The following PFKP variants were observed in gnomAD, a reference collection of about 807,000 sequenced individuals.
PFKP encodes phosphofructokinase, platelet, also known as ATP-dependent 6-phosphofructokinase, platelet type.
Under a neutral mutation model 94.3 loss-of-function variants are expected in PFKP, and 101 were observed. The observed-to-expected ratio is 1.07, with a 90% CI of 0.91 to 1.26. The LOEUF is 1.26. Ranked by LOEUF, PFKP falls within the 50% of genes most tolerant of loss-of-function variation. The pLI, the probability that PFKP is intolerant of heterozygous loss-of-function variation, is 0.00. For missense variants in PFKP, 1,145 were observed against 1,103.3 expected (o/e 1.04, Z -0.53); for synonymous variants, 573 against 432.6 (o/e 1.32, Z -4.03).
At chr10:3,103,011 C>T (rs1461930244) in intron 4 of PFKP, among the ~76,000 whole-genome samples, 2 of 152,212 alleles carry the variant, frequency 1.3e-5, no homozygotes, top group East Asian at 3.9e-4. Context: ...TGCAGAACTG[C>T]CCAGCCCAGG....
intron 18 of PFKP, 148 bp from the exon 19 acceptor site, chr10:3,133,055 A>C: frequency 3.0e-6 from 2 of 663,990 alleles, no homozygotes; most frequent in Non-Finnish European, 5.5e-6. Flanking sequence ...CAGAAAGCAA[A>C]ACCGTGAACT....
At chr10:3,135,019 G>A (rs1839068335) in intron 20 of PFKP, among the ~76,000 whole-genome samples, 1 of 151,816 alleles carries the variant, frequency 6.6e-6, no homozygotes, top group Admixed American at 6.5e-5. Context: ...CATGTTCGTA[G>A]AACTGTGCAT....
intron 10 of PFKP, among the ~76,000 whole-genome samples, chr10:3,111,895 C>T (rs937549740): frequency 6.6e-6 from 1 of 152,194 alleles, no homozygotes; most frequent in Non-Finnish European, 1.5e-5. Flanking sequence ...GATTTCATTT[C>T]CTCTGGCTTT....
At chr10:3,106,542 C>T (rs1835577763) in intron 7 of PFKP, among the ~76,000 whole-genome samples, 1 of 150,606 alleles carries the variant, frequency 6.6e-6, no homozygotes, top group South Asian at 2.1e-4. Flanking sequence ...TGTGAGCTCC[C>T]AGTCCCAAAG....
At chr10:3,107,460 G>C in intron 8 of PFKP, 151 bp downstream of exon 8, 1 of 614,872 alleles carries the variant, frequency 1.6e-6, no homozygotes, top group South Asian at 2.0e-5. Flanking sequence ...AAGTTGGACG[G>C]CAGGGGAAAC....
chr10:3,110,744 ATC>A (rs569229819), intron 10 of PFKP, among the ~76,000 whole-genome samples: 379 of 151,312 alleles, frequency 2.5e-3, no homozygotes, highest in African/African-American at 8.4e-3. Flanking sequence ...GTGCATGTGT[ATC>A]TCTGTATATG....
chr10:3,087,359 G>A (rs981041853), intron 2 of PFKP, among the ~76,000 whole-genome samples: 26 of 152,144 alleles, frequency 1.7e-4, no homozygotes, highest in African/African-American at 2.2e-4. Flanking sequence ...CTCCATGGCC[G>A]CAGGTGCTGT....
Position 3,109,369 on chromosome 10 carries a change from A to AG in PFKP, c.979dup (p.Val327GlyfsTer78). On this transcript the variant is annotated frameshift_variant, in exon 10 of 22. Coordinates refer to ENST00000381125, the MANE Select transcript of PFKP (RefSeq NM_002627.5). LOFTEE classifies it high-confidence loss of function. ...CTGGTTTCCAGGCCAGCCGCATGGG[A>AG]GTGGAGGCAGTCATCGCCTTGCTAG... is the stretch of plus-strand genomic sequence containing the variant. 6.2e-7 allele frequency: 1 copy of AG among 1,610,206 alleles called. No homozygotes were observed. Among genetic ancestry groups the AG allele is most frequent in the African/African-American group, 1.3e-5 (1 of 75,020 alleles).
chr10:3,075,409 A>G (rs1832502858), intron 1 of PFKP, among the ~76,000 whole-genome samples: 1 of 151,920 alleles, frequency 6.6e-6, no homozygotes, highest in Non-Finnish European at 1.5e-5. Flanking sequence ...ACTCAAGGGC[A>G]GTATTGAAGA....
chr10:3,109,312 A>T lies in PFKP; in HGVS notation c.964-43A>T, dbSNP rs113705093. 3.1e-3 allele frequency: 4,902 copies of T among 1,603,336 alleles called. 133 individuals carry two copies. In the African/African-American group the frequency reaches 0.058, roughly 19 times the overall value. On this transcript the variant is annotated intron_variant, in intron 9 of 21. Coordinates refer to ENST00000381125, the MANE Select transcript of PFKP (RefSeq NM_002627.5). ...AGATAGGAGGTGACAGGGACAGGGCAGGACGGGAGGCTGCCCCTGACCCAC... is the reference window on the plus strand; with the variant it reads ...AGATAGGAGGTGACAGGGACAGGGCTGGACGGGAGGCTGCCCCTGACCCAC...
rs554889299 is a variant in PFKP, at chr10:3,082,528, G to A, written c.186+67G>A. 34 of 1,162,824 alleles carry A rather than the reference G, an allele frequency of 2.9e-5. No homozygotes were observed. The African/African-American group carries it at 3.8e-4, about 13-fold the overall frequency. The allele number at this position is 1,162,824 out of a possible 1,614,324, so 72.0% of individuals were successfully genotyped here. A position where few individuals can be genotyped will look rare whatever the true frequency, so the allele number is the denominator to read the frequency against. Reference sequence around the variant, plus strand: ...TGCCCAGAGCCCTGCAGTCACCGGCGCTCGCTCACCCCTGCCTCCCCCATG... The same window carrying A: ...TGCCCAGAGCCCTGCAGTCACCGGCACTCGCTCACCCCTGCCTCCCCCATG... On this transcript the variant is annotated intron_variant, in intron 2 of 21. Coordinates refer to ENST00000381125, the MANE Select transcript of PFKP (RefSeq NM_002627.5).
intron 7 of PFKP, 59 bp from the exon 8 acceptor site, chr10:3,107,155 G>T: frequency 9.6e-7 from 1 of 1,043,522 alleles, no homozygotes. Context: ...TGGTTTTGTT[G>T]CATTTGTTGC....
intron 17 of PFKP, among the ~76,000 whole-genome samples, chr10:3,131,067 T>C (rs1415642722): frequency 1.3e-5 from 2 of 148,430 alleles, no homozygotes; most frequent in African/African-American, 5.0e-5. Flanking sequence ...TGCAGTTTTT[T>C]ATCTTTTATA....
At chr10:3,116,313 G>T (rs1461378018) in intron 13 of PFKP, among the ~76,000 whole-genome samples, 1 of 152,170 alleles carries the variant, frequency 6.6e-6, no homozygotes, top group Non-Finnish European at 1.5e-5. Context: ...GAGCCCCACG[G>T]GTTCTCCTCC....
At chr10:3,088,719 A>T in intron 2 of PFKP, among the ~76,000 whole-genome samples, 1 of 152,158 alleles carries the variant, frequency 6.6e-6, no homozygotes, top group Non-Finnish European at 1.5e-5. Context: ...AATTTATTTT[A>T]TTGAAGTAAA....
intron 1 of PFKP, among the ~76,000 whole-genome samples, chr10:3,077,488 G>C (rs1021710421): frequency 5.3e-5 from 8 of 151,308 alleles, no homozygotes; most frequent in African/African-American, 1.9e-4. Context: ...GGATGGTCTC[G>C]ATCTCCTGAC....
intron 11 of PFKP, 23 bp downstream of exon 11, chr10:3,112,309 C>G (rs371244491): frequency 6.3e-7 from 1 of 1,596,910 alleles, no homozygotes; most frequent in Non-Finnish European, 8.6e-7. Context: ...GGAGAAAGCT[C>G]TGCCCTGTCA....
intron 18 of PFKP, 28 bp from the exon 19 acceptor site, chr10:3,133,171 TAAAC>T (rs1441980886): frequency 1.3e-6 from 2 of 1,561,004 alleles, no homozygotes; most frequent in Non-Finnish European, 1.8e-6. Context: ...CACTGCACGC[TAAAC>T]AAAGTGACTC....
rs1158964233 is a variant in PFKP at position 3,082,380 on chromosome 10, C to T, written c.113-8C>T. 1.2e-6 allele frequency: 2 copies of T among 1,602,054 alleles called. No individual in the cohort carries two copies. The highest frequency in any genetic ancestry group is 1.7e-6 in the Non-Finnish European group (2 of 1,172,126). On this transcript the variant is annotated splice_region_variant and splice_polypyrimidine_tract_variant and intron_variant, in intron 1 of 21. Transcript: ENST00000381125. ...CTTCAGTGACTCTTGCTCCTGTTTCCACTGCAGGTATGAACGCTGCCGTCC... is the reference window on the plus strand; with the variant it reads ...CTTCAGTGACTCTTGCTCCTGTTTCTACTGCAGGTATGAACGCTGCCGTCC...
Sources: gnomAD v4.1 joint callset for allele counts (sites outside exome capture counted in the v4.1 genomes callset) on GRCh38, gnomAD v4.1.1 for gene constraint, MANE v1.5 for transcripts, NCBI Gene and HGNC (gene_info 2026-07-23, HGNC 2026-07-21) for gene names.